The following IPMK variants were observed in gnomAD, a reference collection of about 807,000 sequenced individuals.
IPMK encodes inositol 1,3,4,6-tetrakisphosphate 5-kinase.
A neutral mutation model predicts 45.8 loss-of-function variants in IPMK; 17 were observed. The ratio of observed to expected loss-of-function variants is 0.37; its 90% CI spans 0.25 to 0.56. The LOEUF is 0.56. IPMK is among the 20% of genes least tolerant of loss of function. The pLI, the probability that IPMK is intolerant of heterozygous loss-of-function variation, is 0.79. For synonymous variants in IPMK, 180 were observed against 184.3 expected, an observed-to-expected ratio of 0.98 and a Z score of 0.19; for missense variants, 399 against 498.0, an observed-to-expected ratio of 0.80 and a Z score of 1.89.
At chr10:58,252,602 TTTTC>T (rs1838899546) in intron 1 of IPMK, among the ~76,000 whole-genome samples, 1 of 142,726 alleles carries the variant, frequency 7.0e-6, no homozygotes, top group South Asian at 2.2e-4. Context: ...TATCCAAGAG[TTTTC>T]TTTTCTTTTT....
chr10:58,240,700 T>C (rs887204738), intron 1 of IPMK, among the ~76,000 whole-genome samples: 2 of 146,686 alleles, frequency 1.4e-5, no homozygotes, highest in African/African-American at 2.5e-5. Flanking sequence ...GACTCACCCA[T>C]GGAGCGGAAT....
rs1308546493 is a variant in IPMK, at chr10:58,192,600, C to CAG, written c.*3475_*3476insCT. ...AATTAAGTCCCCAATCCCACCCCAT[C>CAG]CAAAGAGAATGCTGAAAATGGTTAG... On this transcript the variant is annotated 3_prime_UTR_variant, in exon 6 of 6. Transcript: ENST00000373935. 6.6e-6 allele frequency: 1 copy of CAG among 151,946 alleles called. No homozygotes were observed. The highest frequency in any genetic ancestry group is 1.5e-5 in the Non-Finnish European group (1 of 67,904). The allele number at this position is 151,946 out of a possible 1,614,324, so 9.4% of individuals were successfully genotyped here.
At chr10:58,220,702 A>G (rs1838319360) in intron 3 of IPMK, among the ~76,000 whole-genome samples, 1 of 152,220 alleles carries the variant, frequency 6.6e-6, no homozygotes, top group Admixed American at 6.5e-5. Flanking sequence ...CATACATTCC[A>G]TATATAATTA....
At chr10:58,267,006 G>A (rs1423352799) in intron 1 of IPMK, among the ~76,000 whole-genome samples, 6 of 152,172 alleles carry the variant, frequency 3.9e-5, no homozygotes, top group Admixed American at 3.9e-4. Flanking sequence ...TACTAGATTA[G>A]CATCATCTGC....
intron 2 of IPMK, among the ~76,000 whole-genome samples, chr10:58,235,587 G>C (rs774943007): frequency 4.6e-5 from 7 of 152,166 alleles, no homozygotes; most frequent in Non-Finnish European, 1.0e-4. Flanking sequence ...AACACCACAT[G>C]TTCTCACTAA....
At chr10:58,259,551 G>A (rs1044054443) in intron 1 of IPMK, among the ~76,000 whole-genome samples, 2 of 151,826 alleles carry the variant, frequency 1.3e-5, no homozygotes, top group African/African-American at 4.8e-5. Context: ...TAGGAATGAG[G>A]GCTGGGCAGA....
intron 1 of IPMK, among the ~76,000 whole-genome samples, chr10:58,238,162 A>C (rs1838642672): frequency 6.6e-6 from 1 of 152,262 alleles, no homozygotes; most frequent in Admixed American, 6.5e-5. Context: ...AAGCAAGTTA[A>C]AAGCAATAGC....
chr10:58,222,727 A>T (rs1588959075), intron 3 of IPMK, among the ~76,000 whole-genome samples: 1 of 152,352 alleles, frequency 6.6e-6, no homozygotes, highest in South Asian at 2.1e-4. Flanking sequence ...TGAGGTAAAG[A>T]TCATGAAAAT....
Position 58,195,969 on chromosome 10 carries a change from A to G in IPMK, c.*107T>C, listed in dbSNP as rs1837886213. The G allele has an allele frequency of 9.7e-7, 1 of 1,036,040 alleles. No individual in the cohort carries two copies. The highest frequency in any genetic ancestry group is 1.6e-5 in the African/African-American group (1 of 62,132). 64.2% of individuals were successfully genotyped at this position (1,036,040 alleles called of 1,614,324 possible). Reference sequence around the variant, plus strand: ...TTCCAAAAGTATAAAGACAAATAAAATGTCGACTCATAATACAAATTTTTT... The same window carrying G: ...TTCCAAAAGTATAAAGACAAATAAAGTGTCGACTCATAATACAAATTTTTT... On this transcript the variant is annotated 3_prime_UTR_variant, in exon 6 of 6. Coordinates refer to ENST00000373935, the MANE Select transcript of IPMK (RefSeq NM_152230.5).
At chr10:58,203,567 C>T (rs1838027625) in intron 4 of IPMK, among the ~76,000 whole-genome samples, 1 of 152,234 alleles carries the variant, frequency 6.6e-6, no homozygotes, top group Non-Finnish European at 1.5e-5. Context: ...CCACCCGCCT[C>T]AGCCTCCCAA....
intron 1 of IPMK, among the ~76,000 whole-genome samples, chr10:58,252,534 G>T (rs1309763061): frequency 6.7e-6 from 1 of 149,994 alleles, no homozygotes; most frequent in Non-Finnish European, 1.5e-5. Context: ...CTGGTGTACA[G>T]ATTATTTCAT....
intron 1 of IPMK, among the ~76,000 whole-genome samples, chr10:58,249,275 C>T (rs575353214): frequency 1.3e-5 from 2 of 152,180 alleles, no homozygotes; most frequent in Non-Finnish European, 2.9e-5. Flanking sequence ...GGCTGGACTG[C>T]AGCGGCACAA....
In IPMK at chr10:58,246,610, G is replaced by C. The variant is rs1012548760; in HGVS notation, c.191-8796C>G. Among the ~76,000 whole-genome samples the C allele has an allele frequency of 6.8e-5, 9 of 132,374 alleles. 1 individual carries two copies. The highest frequency in any genetic ancestry group is 2.9e-4 in the African/African-American group (8 of 27,746). 86.8% of individuals were successfully genotyped at this position (132,374 alleles called of 152,430 possible). A position where few individuals can be genotyped will look rare whatever the true frequency, so the allele number is the denominator to read the frequency against. On this transcript the variant is annotated intron_variant, in intron 1 of 5. Coordinates refer to ENST00000373935, the MANE Select transcript of IPMK (RefSeq NM_152230.5). ...AAAACTGGCTAGCCATATGTAGAAA[G>C]CTGAAACTGGATCCCTTCTTTACAC...
rs538508425 is a variant in IPMK, at chr10:58,193,013, A to C, written c.*3063T>G. On this transcript the variant is annotated 3_prime_UTR_variant, in exon 6 of 6. Coordinates refer to ENST00000373935, the MANE Select transcript of IPMK (RefSeq NM_152230.5). ...AAATGTACTAAAATGACAATGCTTTACCATAGTGGACACAATTCCTGTAAT... is the reference window on the plus strand; with the variant it reads ...AAATGTACTAAAATGACAATGCTTTCCCATAGTGGACACAATTCCTGTAAT... The C allele has an allele frequency of 6.6e-6, 1 of 152,120 alleles. No homozygotes were observed. The highest frequency in any genetic ancestry group is 6.5e-5 in the Admixed American group (1 of 15,282). The allele number at this position is 152,120 out of a possible 1,614,324, so 9.4% of individuals were successfully genotyped here.
At chr10:58,237,618 G>T (rs748236851) in intron 2 of IPMK, 111 bp downstream of exon 2, 3 of 770,778 alleles carry the variant, frequency 3.9e-6, no homozygotes, top group Admixed American at 4.2e-5. Flanking sequence ...TTTTGTTTCC[G>T]TTACATACAC....
At chr10:58,260,097 C>T (rs555707301) in intron 1 of IPMK, among the ~76,000 whole-genome samples, 1 of 152,262 alleles carries the variant, frequency 6.6e-6, no homozygotes, top group African/African-American at 2.4e-5. Context: ...CAACTGACAT[C>T]CTATGTCTTA....
At chr10:58,226,894 C>T in intron 3 of IPMK, 149 bp downstream of exon 3, 2 of 550,672 alleles carry the variant, frequency 3.6e-6, no homozygotes, top group African/African-American at 1.9e-5. Context: ...TAATAAGTTT[C>T]ATTTAGTGAA....
At chr10:58,218,615 T>TG (rs1188228169) in intron 3 of IPMK, among the ~76,000 whole-genome samples, 1 of 152,224 alleles carries the variant, frequency 6.6e-6, no homozygotes, top group Non-Finnish European at 1.5e-5. Context: ...GAAATCTTAC[T>TG]GGGGTCAAGT....
At chr10:58,196,744 C>A in intron 5 of IPMK, 46 bp from the exon 6 acceptor site, 1 of 1,317,756 alleles carries the variant, frequency 7.6e-7, no homozygotes, top group Non-Finnish European at 1.0e-6. Context: ...TATGAAATAA[C>A]TATTATTTGG....
Sources: gnomAD v4.1 joint callset for allele counts (sites outside exome capture counted in the v4.1 genomes callset) on GRCh38, gnomAD v4.1.1 for gene constraint, MANE v1.5 for transcripts, NCBI Gene and HGNC (gene_info 2026-07-23, HGNC 2026-07-21) for gene names.